CDC42BPB: variants seen among roughly 807,000 people sequenced by gnomAD.
CDC42BPB encodes the protein serine/threonine-protein kinase MRCK beta.
A neutral mutation model predicts 214.9 loss-of-function variants in CDC42BPB; 37 were observed. That is an observed-to-expected ratio of 0.17 (90% CI 0.13 to 0.23). The LOEUF is 0.23. Among genes scored for constraint, CDC42BPB ranks in the 10% least tolerant of loss-of-function variants. The probability of loss-of-function intolerance (pLI) is 1.00; values close to 1 mark genes in which losing one functional copy is unlikely to be tolerated. For missense variants in CDC42BPB, 1,694 were observed against 2,227.0 expected, an observed-to-expected ratio of 0.76 and a Z score of 4.82; for synonymous variants, 931 against 884.0, an observed-to-expected ratio of 1.05 and a Z score of -0.94.
Position 102,964,592 on chromosome 14 carries a change from A to C in CDC42BPB, c.2636T>G (p.Leu879Arg). 1 of 1,613,930 alleles carries C rather than the reference A, an allele frequency of 6.2e-7. No individual in the cohort carries two copies. Among genetic ancestry groups the C allele is most frequent in the Non-Finnish European group, 8.5e-7 (1 of 1,179,994 alleles). Residue 879 changes from leucine to arginine, a missense_variant, in exon 19 of 37, where the codon CTG becomes CGG. Transcript: ENST00000361246. ...QKLDMSARLE[L>R]QSALEAEIRA... is the part of the protein sequence containing the mutation. Reference sequence around the variant, plus strand: ...GATCTCCGCCTCCAGGGCCGACTGCAGCTCCAGCCGCGCGGACATGTCCAG... The same window carrying C: ...GATCTCCGCCTCCAGGGCCGACTGCCGCTCCAGCCGCGCGGACATGTCCAG...
chr14:103,043,487 G>C (rs1233444604), intron 1 of CDC42BPB, among the ~76,000 whole-genome samples: 1 of 152,130 alleles, frequency 6.6e-6, no homozygotes, highest in Non-Finnish European at 1.5e-5. Flanking sequence ...TATAATGAAA[G>C]TAGATTTGTG....
At position 102,999,715 on chromosome 14, in the gene CDC42BPB, T is replaced by A. The variant is rs1288107157; in HGVS notation, c.448-2A>T. On this transcript the variant is annotated splice_acceptor_variant, in intron 4 of 36. Coordinates refer to ENST00000361246, the MANE Select transcript of CDC42BPB (RefSeq NM_006035.4). LOFTEE classifies it high-confidence loss of function. ...CACATAGTAATCCATGACTAAGTAC[T>A]ACAAATTGGAAAGAGAAGGGGAGAG... is the stretch of plus-strand genomic sequence containing the variant. 1 of 1,613,926 alleles carries A rather than the reference T, an allele frequency of 6.2e-7. No individual in the cohort carries two copies. Among genetic ancestry groups the A allele is most frequent in the Non-Finnish European group, 8.5e-7 (1 of 1,179,980 alleles).
chr14:102,940,340 C>A lies in CDC42BPB; in HGVS notation c.4409-16G>T. On this transcript the variant is annotated splice_polypyrimidine_tract_variant and intron_variant, in intron 30 of 36. Coordinates refer to ENST00000361246, the MANE Select transcript of CDC42BPB (RefSeq NM_006035.4). ...GGGCTGCAACCTAGCGCAGACGGAGCAGGGCGGGGTGAGCCACAGTGGCTC... is the reference window on the plus strand; with the variant it reads ...GGGCTGCAACCTAGCGCAGACGGAGAAGGGCGGGGTGAGCCACAGTGGCTC... 6.4e-7 allele frequency: 1 copy of A among 1,556,556 alleles called. No individual in the cohort carries two copies. The highest frequency in any genetic ancestry group is 1.9e-5 in the Admixed American group (1 of 51,484).
In CDC42BPB at chr14:102,932,937, C is replaced by T. The variant is rs1891461135; in HGVS notation, c.*775G>A. The T allele has an allele frequency of 6.6e-6, 1 of 150,844 alleles. No individual in the cohort carries two copies. The highest frequency in any genetic ancestry group is 6.6e-5 in the Admixed American group (1 of 15,196). The allele number at this position is 150,844 out of a possible 1,614,324, so 9.3% of individuals were successfully genotyped here. ...ATCCCAGTGGCTGCTTCGTGGCGCC[C>T]TGGGGCTCTGACTTCCCTCAGCCCA... On this transcript the variant is annotated 3_prime_UTR_variant, in exon 37 of 37. Coordinates refer to ENST00000361246, the MANE Select transcript of CDC42BPB (RefSeq NM_006035.4).
chr14:102,972,419 G>A (rs927597582), intron 12 of CDC42BPB: 5 of 743,040 alleles, frequency 6.7e-6, no homozygotes, highest in Non-Finnish European at 8.2e-6. Context: ...GGGCACAGTG[G>A]CTCACACCTG....
chr14:103,030,175 T>C (rs1887286215), intron 1 of CDC42BPB, among the ~76,000 whole-genome samples: 1 of 152,162 alleles, frequency 6.6e-6, no homozygotes, highest in Admixed American at 6.5e-5. Context: ...CCGACAGGAG[T>C]GACCAGTAGT....
At chr14:103,051,854 T>C (rs1348558485) in intron 1 of CDC42BPB, among the ~76,000 whole-genome samples, 1 of 151,476 alleles carries the variant, frequency 6.6e-6, no homozygotes, top group Non-Finnish European at 1.5e-5. Flanking sequence ...GGTTTTTTGT[T>C]TTTTTTTTGG....
At chr14:102,951,337 G>A (rs1333137869) in intron 24 of CDC42BPB, among the ~76,000 whole-genome samples, 1 of 152,248 alleles carries the variant, frequency 6.6e-6, no homozygotes, top group Non-Finnish European at 1.5e-5. Flanking sequence ...TGGTCAGGAA[G>A]GCGTGAGTGC....
At chr14:102,935,764 C>CAAA (rs55833197) in intron 36 of CDC42BPB, among the ~76,000 whole-genome samples, 1,044 of 74,510 alleles carry the variant, frequency 0.014, 28 homozygotes, top group African/African-American at 0.039. Flanking sequence ...CACTCTGTCT[C>CAAA]AAAAAAAAAA....
At chr14:103,030,243 G>A (rs1031503768) in intron 1 of CDC42BPB, among the ~76,000 whole-genome samples, 6 of 152,222 alleles carry the variant, frequency 3.9e-5, no homozygotes, top group African/African-American at 1.2e-4. Flanking sequence ...TGGCCAATGA[G>A]GTTGAAGGTG....
At chr14:102,965,666 A>G (rs1893168551) in intron 18 of CDC42BPB, among the ~76,000 whole-genome samples, 1 of 152,214 alleles carries the variant, frequency 6.6e-6, no homozygotes, top group Admixed American at 6.5e-5. Context: ...AAGAAAATGG[A>G]CAGAGGAAGG....
At chr14:102,994,803 TTC>T (rs962295791) in intron 5 of CDC42BPB, among the ~76,000 whole-genome samples, 5 of 152,190 alleles carry the variant, frequency 3.3e-5, no homozygotes, top group African/African-American at 9.7e-5. Context: ...ACCGTACCAT[TTC>T]TGAGTGATGT....
intron 1 of CDC42BPB, among the ~76,000 whole-genome samples, chr14:103,013,293 C>T (rs866318440): frequency 2.0e-5 from 3 of 152,218 alleles, no homozygotes; most frequent in South Asian, 2.1e-4. Context: ...CCTGGACACC[C>T]ATGGCGGTCC....
At chr14:103,051,547 A>T (rs1888609207) in intron 1 of CDC42BPB, among the ~76,000 whole-genome samples, 2 of 152,256 alleles carry the variant, frequency 1.3e-5, no homozygotes, top group South Asian at 4.1e-4. Context: ...AGTATCACTA[A>T]TGTCAGCGCA....
intron 23 of CDC42BPB, 89 bp downstream of exon 23, chr14:102,954,109 T>C (rs1892610924): frequency 1.2e-5 from 11 of 931,906 alleles, no homozygotes; most frequent in African/African-American, 1.7e-5. Flanking sequence ...GTATGTTTTA[T>C]TTATACAAAA....
intron 24 of CDC42BPB, among the ~76,000 whole-genome samples, chr14:102,951,488 T>C (rs767080285): frequency 3.3e-5 from 5 of 151,460 alleles, no homozygotes; most frequent in African/African-American, 9.7e-5. Flanking sequence ...GCACAAGATA[T>C]AGCCTTAAAA....
At chr14:103,007,658 G>T (rs151164617) in intron 3 of CDC42BPB, among the ~76,000 whole-genome samples, 53 of 152,348 alleles carry the variant, frequency 3.5e-4, no homozygotes, top group African/African-American at 1.2e-3. Context: ...CGCTCAGGGC[G>T]GGTCAGAGAC....
chr14:103,031,063 G>A (rs1887342260), intron 1 of CDC42BPB, among the ~76,000 whole-genome samples: 1 of 151,818 alleles, frequency 6.6e-6, no homozygotes, highest in African/African-American at 2.4e-5. Context: ...CTGAACCTAA[G>A]CATTTCTGAG....
intron 1 of CDC42BPB, among the ~76,000 whole-genome samples, chr14:103,032,471 C>A (rs1887435950): frequency 7.0e-6 from 1 of 143,226 alleles, no homozygotes; most frequent in Admixed American, 7.4e-5. Context: ...TAGGAAAACA[C>A]TAGAAACCAG....
Sources: allele counts gnomAD v4.1 joint callset (sites outside exome capture counted in the v4.1 genomes callset), GRCh38; gene constraint gnomAD v4.1.1; transcripts MANE v1.5; gene names NCBI Gene and HGNC (gene_info 2026-07-23, HGNC 2026-07-21).